Variants in NRG4 observed in about 807,000 individuals in gnomAD.
NRG4 encodes pro-neuregulin-4, membrane-bound isoform.
Under a neutral mutation model 15.0 loss-of-function variants are expected in NRG4, and 10 were observed. That is an observed-to-expected ratio of 0.67 (90% CI 0.41 to 1.13). The LOEUF (loss-of-function observed/expected upper bound fraction) is 1.13, where lower values mean the gene tolerates loss of function less well. Among genes scored for constraint, NRG4 ranks in the 50% most tolerant of loss-of-function variants. NRG4 has a pLI of 0.00. For missense variants in NRG4, 139 were observed against 140.2 expected (o/e 0.99, Z 0.04); for synonymous variants, 41 against 50.1 (o/e 0.82, Z 0.77).
At chr15:76,039,094 C>T (rs766247034) in intron 4 of NRG4, among the ~76,000 whole-genome samples, 22 of 152,190 alleles carry the variant, frequency 1.4e-4, no homozygotes, top group Non-Finnish European at 2.5e-4. Flanking sequence ...GATCTTAGAT[C>T]ACAACACTCA....
intron 4 of NRG4, among the ~76,000 whole-genome samples, chr15:76,047,994 A>C (rs982192004): frequency 1.3e-5 from 2 of 149,560 alleles, no homozygotes; most frequent in Non-Finnish European, 3.0e-5. Context: ...TGTGTCCAAA[A>C]AAAATGTTTT....
chr15:75,944,424 AAT>A (rs2031324431), intron 5 of NRG4, among the ~76,000 whole-genome samples: 1 of 152,302 alleles, frequency 6.6e-6, no homozygotes, highest in East Asian at 1.9e-4. Flanking sequence ...GTCTAACAAC[AAT>A]ATAAATGCAT....
chr15:75,982,015 A>G lies in NRG4; in HGVS notation c.105-20041T>C, dbSNP rs565194942. Reference sequence around the variant, plus strand: ...CAAATAGATCATTCTCCATAAAACAAATTTAGGAACTATTGCTAAGAAAAC... The same window carrying G: ...CAAATAGATCATTCTCCATAAAACAGATTTAGGAACTATTGCTAAGAAAAC... On this transcript the variant is annotated intron_variant, in intron 3 of 5. Coordinates refer to ENST00000394907, the MANE Select transcript of NRG4 (RefSeq NM_138573.4). Among the ~76,000 whole-genome samples, 74 of 152,296 alleles carry G rather than the reference A, an allele frequency of 4.9e-4. No individual in the cohort carries two copies. The South Asian group carries it at 0.015, about 30-fold the overall frequency.
chr15:75,938,887 A>G (rs1478324770), downstream of NRG4: 1 of 152,204 alleles, frequency 6.6e-6, no homozygotes, highest in Non-Finnish European at 1.5e-5. Flanking sequence ...CAATGGGTCA[A>G]AGAAGAAATC....
In NRG4 at chr15:75,977,066, C is replaced by T. The variant is rs560267448; in HGVS notation, c.105-15092G>A. Among the ~76,000 whole-genome samples the T allele has an allele frequency of 2.0e-5, 3 of 152,294 alleles. No homozygotes were observed. The highest frequency in any genetic ancestry group is 1.9e-4 in the East Asian group (1 of 5,178). On this transcript the variant is annotated intron_variant, in intron 3 of 5. Transcript: ENST00000394907. This position sits in a 1 kb window ranked among gnomAD's most constrained non-coding sequence, Gnocchi z 4.9. ...TCTAGAGAGGCAGTCTGGGTACCGC[C>T]GCTTTGTGGCACTGTGGTGGGCTCT...
upstream of NRG4, among the ~76,000 whole-genome samples, chr15:76,015,398 G>A (rs1325145941): frequency 3.3e-5 from 5 of 152,206 alleles, no homozygotes; most frequent in Non-Finnish European, 5.9e-5. Flanking sequence ...AATGGTGAGA[G>A]AGGGCATCCT....
At chr15:76,026,187 G>C (rs2035311621) in intron 5 of NRG4, among the ~76,000 whole-genome samples, 1 of 152,284 alleles carries the variant, frequency 6.6e-6, no homozygotes, top group South Asian at 2.1e-4. Context: ...TCCAATTCCA[G>C]AAAGTTCAAA....
chr15:75,986,217 G>A (rs1654508088), intron 3 of NRG4, among the ~76,000 whole-genome samples: 1 of 152,060 alleles, frequency 6.6e-6, no homozygotes, highest in Admixed American at 6.5e-5. Context: ...ACTCTGCTAG[G>A]AAATGACATA....
At chr15:75,970,575 C>G (rs1279307493) in intron 3 of NRG4, among the ~76,000 whole-genome samples, 1 of 152,206 alleles carries the variant, frequency 6.6e-6, no homozygotes, top group Non-Finnish European at 1.5e-5. Flanking sequence ...CAGGGAGGGC[C>G]CTGGTGAAAC....
rs117888274 is a variant in NRG4, at chr15:76,004,291, G to T, written c.104+4909C>A. 9.5e-4 allele frequency among the ~76,000 whole-genome samples: 144 copies of T among 152,194 alleles called. 1 individual carries two copies. In the East Asian group the frequency reaches 0.026, roughly 28 times the overall value. Reference sequence around the variant, plus strand: ...TTATAGAATATACACAAAAGGAAATGAGAAAGGAATTTAAACATTTTACTA... The same window carrying T: ...TTATAGAATATACACAAAAGGAAATTAGAAAGGAATTTAAACATTTTACTA... On this transcript the variant is annotated intron_variant, in intron 3 of 5. Transcript: ENST00000394907.
intron 3 of NRG4, among the ~76,000 whole-genome samples, chr15:75,980,064 T>C (rs756767649): frequency 1.2e-4 from 18 of 152,196 alleles, no homozygotes; most frequent in Admixed American, 2.0e-4. Context: ...TGACTGTTTT[T>C]ACTATTTTTC....
intron 5 of NRG4, among the ~76,000 whole-genome samples, chr15:75,947,542 T>G (rs1379604478): frequency 1.3e-5 from 2 of 152,210 alleles, no homozygotes; most frequent in African/African-American, 4.8e-5. Flanking sequence ...TTGTTTAAAC[T>G]CTTTTAAACT....
rs1236925783 is a variant in NRG4, at chr15:76,055,098, G to A, written c.-262+1856C>T. Reference sequence around the variant, plus strand: ...AGTTGGAGACCAGCCTGGCCAACATGGTGAAACCCCAACTCTACTGAAAAA... The same window carrying A: ...AGTTGGAGACCAGCCTGGCCAACATAGTGAAACCCCAACTCTACTGAAAAA... On this transcript the variant is annotated intron_variant, in intron 2 of 8. Coordinates refer to the NRG4 transcript ENST00000563910. 2.0e-5 allele frequency among the ~76,000 whole-genome samples: 3 copies of A among 152,148 alleles called. No individual in the cohort carries two copies. In the South Asian group the frequency reaches 6.2e-4, roughly 32 times the overall value.
chr15:76,044,865 T>C (rs1263471195), intron 4 of NRG4, among the ~76,000 whole-genome samples: 2 of 149,102 alleles, frequency 1.3e-5, no homozygotes, highest in East Asian at 1.9e-4. Flanking sequence ...AAAGATTTCT[T>C]GAGTAATACC....
chr15:75,942,478 A>C lies in NRG4; in HGVS notation c.*1160T>G, dbSNP rs891518640. ...ATACTATCTGCTCAGTTTTTCTGAA[A>C]ATCTAAAACTTCTAATAAAGTCTAT... is the stretch of plus-strand genomic sequence containing the variant. On this transcript the variant is annotated 3_prime_UTR_variant, in exon 6 of 6. Coordinates refer to ENST00000394907, the MANE Select transcript of NRG4 (RefSeq NM_138573.4). The C allele has an allele frequency of 5.3e-5, 8 of 152,182 alleles. No homozygotes were observed. The highest frequency in any genetic ancestry group is 1.7e-4 in the African/African-American group (7 of 41,440). The allele number at this position is 152,182 out of a possible 1,614,324, so 9.4% of individuals were successfully genotyped here.
At chr15:75,940,060 C>T (rs1251855206), downstream of NRG4, 4 of 151,606 alleles carry the variant, frequency 2.6e-5, no homozygotes, top group Admixed American at 1.3e-4. Flanking sequence ...GAAGTAAAAT[C>T]CTATATGTTC....
intron 5 of NRG4, among the ~76,000 whole-genome samples, chr15:76,019,330 G>A (rs2035079790): frequency 6.6e-6 from 1 of 152,084 alleles, no homozygotes; most frequent in South Asian, 2.1e-4. Context: ...CCCCTTTCCA[G>A]GGGGGTGAAC....
chr15:76,011,071 T>C, intron 2 of NRG4, 150 bp downstream of exon 2: 1 of 671,786 alleles, frequency 1.5e-6, no homozygotes, highest in Non-Finnish European at 2.2e-6. Context: ...AACCAAATAT[T>C]TCATATTTGA....
chr15:75,969,710 A>G (rs2033004081), intron 3 of NRG4, among the ~76,000 whole-genome samples: 1 of 152,226 alleles, frequency 6.6e-6, no homozygotes, highest in African/African-American at 2.4e-5. Flanking sequence ...ACTCTTTTAA[A>G]GTTTCGTTCT....
Sources: allele counts gnomAD v4.1 joint callset (sites outside exome capture counted in the v4.1 genomes callset), GRCh38; gene constraint gnomAD v4.1.1; non-coding constraint Gnocchi (gnomAD v3.1); transcripts MANE v1.5; gene names NCBI Gene and HGNC (gene_info 2026-07-23, HGNC 2026-07-21).